Variants in PREPL observed in about 807,000 individuals in gnomAD.
PREPL encodes the protein prolyl endopeptidase-like.
A neutral mutation model predicts 70.6 loss-of-function variants in PREPL; 77 were observed. That is an observed-to-expected ratio of 1.09 (90% CI 0.91 to 1.32). The LOEUF (loss-of-function observed/expected upper bound fraction) is 1.32, where lower values mean the gene tolerates loss of function less well. Ranked by LOEUF, PREPL falls within the 40% of genes most tolerant of loss-of-function variation. The probability of loss-of-function intolerance (pLI) is 0.00; values close to 1 mark genes in which losing one functional copy is unlikely to be tolerated. For missense variants in PREPL, 1,002 were observed against 778.2 expected (o/e 1.29, Z -3.42); for synonymous variants, 315 against 264.8 (o/e 1.19, Z -1.84).
rs1673178981 is a variant in PREPL at position 44,323,418 on chromosome 2, A to G, written c.1480-7T>C. 4 of 1,573,192 alleles carry G rather than the reference A, an allele frequency of 2.5e-6. No homozygotes were observed. Among genetic ancestry groups the G allele is most frequent in the Non-Finnish European group, 3.4e-6 (4 of 1,162,300 alleles). ...GAACATCCAAGAAAGGTGCCTAAAA[A>G]AAAGGCAAAGAAACTTATACTTCAA... is the stretch of plus-strand genomic sequence containing the variant. On this transcript the variant is annotated splice_region_variant and splice_polypyrimidine_tract_variant and intron_variant, in intron 10 of 13. Coordinates refer to ENST00000409411, the MANE Select transcript of PREPL (RefSeq NM_001171613.2).
chr2:44,337,985 G>C lies in PREPL; in HGVS notation c.888+366C>G, dbSNP rs138092745. Among the ~76,000 whole-genome samples, 211 of 152,342 alleles carry C rather than the reference G, an allele frequency of 1.4e-3. 1 individual carries two copies. Among genetic ancestry groups the C allele is most frequent in the African/African-American group, 4.9e-3 (203 of 41,574 alleles). ...CTGTCCCTGTTGGGGATGTGGGATG[G>C]GGGAACAGCAGTCAGTGTTTAGGCA... is the stretch of plus-strand genomic sequence containing the variant. On this transcript the variant is annotated intron_variant, in intron 7 of 13. Coordinates refer to ENST00000409411, the MANE Select transcript of PREPL (RefSeq NM_001171613.2).
rs376222191 is a variant in PREPL, at chr2:44,343,619, G to C, written c.349+126C>G. Reference sequence around the variant, plus strand: ...CTGAATAAGAGGTACATAGGAAGATGTATAGTCCATAGGGATACATGAATC... The same window carrying C: ...CTGAATAAGAGGTACATAGGAAGATCTATAGTCCATAGGGATACATGAATC... On this transcript the variant is annotated intron_variant, in intron 4 of 13. Coordinates refer to ENST00000409411, the MANE Select transcript of PREPL (RefSeq NM_001171613.2). 4.7e-5 allele frequency: 36 copies of C among 763,918 alleles called. No individual in the cohort carries two copies. In the East Asian group the frequency reaches 8.9e-4, roughly 19 times the overall value. 47.3% of individuals were successfully genotyped at this position (763,918 alleles called of 1,614,324 possible).
At chr2:44,326,613 G>C in intron 10 of PREPL, 99 bp downstream of exon 10, 1 of 1,239,048 alleles carries the variant, frequency 8.1e-7, no homozygotes, top group Non-Finnish European at 1.2e-6. Context: ...GGGATTACAG[G>C]CATGAGCCGC....
At chr2:44,354,043 G>A (rs779492322) in intron 1 of PREPL, among the ~76,000 whole-genome samples, 2 of 152,074 alleles carry the variant, frequency 1.3e-5, no homozygotes, top group Non-Finnish European at 2.9e-5. Context: ...TGTGGGCCCA[G>A]CTACTTGCAA....
At chr2:44,335,037 T>C (rs889659565) in intron 7 of PREPL, among the ~76,000 whole-genome samples, 13 of 152,218 alleles carry the variant, frequency 8.5e-5, no homozygotes, top group Non-Finnish European at 1.8e-4. Flanking sequence ...GTCTGATCTA[T>C]AAAATTCTCT....
intron 1 of PREPL, among the ~76,000 whole-genome samples, chr2:44,353,613 A>C (rs1218143302): frequency 6.6e-6 from 1 of 152,038 alleles, no homozygotes; most frequent in South Asian, 2.1e-4. Flanking sequence ...AAATAAATAA[A>C]ACTTATTACA....
At chr2:44,335,907 A>AT (rs1468648249) in intron 7 of PREPL, among the ~76,000 whole-genome samples, 1 of 152,096 alleles carries the variant, frequency 6.6e-6, no homozygotes, top group Non-Finnish European at 1.5e-5. Context: ...ATGAACAGAT[A>AT]TTTTTAAAAG....
rs183171618 is a variant in PREPL at position 44,360,916 on chromosome 2, T to C, written c.-49+464A>G. 2.3e-3 allele frequency among the ~76,000 whole-genome samples: 350 copies of C among 152,212 alleles called. 3 individuals are homozygous for C. The highest frequency in any genetic ancestry group is 8.0e-3 in the African/African-American group (333 of 41,534). ...GTAGAATGCTGCGTCAAATTTACCA[T>C]AGATCAGATGCGCTACGACGCCCCC... On this transcript the variant is annotated intron_variant, in intron 1 of 13. Coordinates refer to ENST00000409411, the MANE Select transcript of PREPL (RefSeq NM_001171613.2).
chr2:44,320,345 C>T lies in PREPL; in HGVS notation c.*1011G>A, dbSNP rs1034817277. The T allele has an allele frequency of 6.2e-7, 1 of 1,614,124 alleles. No homozygotes were observed. Among genetic ancestry groups the T allele is most frequent in the Admixed American group, 1.7e-5 (1 of 60,020 alleles). On this transcript the variant is annotated 3_prime_UTR_variant, in exon 14 of 14. Coordinates refer to ENST00000409411, the MANE Select transcript of PREPL (RefSeq NM_001171613.2). ...TTGTGTACACAAGAGAGCTGGATGG[C>T]ATCGACAGAATCTTTATCGTGGTTC...
At chr2:44,356,281 C>T (rs1677034210) in intron 1 of PREPL, 1 of 152,324 alleles carries the variant, frequency 6.6e-6, no homozygotes, top group Non-Finnish European at 1.5e-5. Flanking sequence ...GTGGCTCACT[C>T]CTGTAATCCC....
At chr2:44,349,147 A>G (rs1480755905) in intron 1 of PREPL, among the ~76,000 whole-genome samples, 1 of 152,206 alleles carries the variant, frequency 6.6e-6, no homozygotes, top group Non-Finnish European at 1.5e-5. Flanking sequence ...AAGGAGAATG[A>G]TATGTGTTAA....
chr2:44,322,137 A>G lies in PREPL; in HGVS notation c.1754-237T>C, dbSNP rs532176019. 3.3e-5 allele frequency among the ~76,000 whole-genome samples: 5 copies of G among 152,312 alleles called. No individual in the cohort carries two copies. In the East Asian group the frequency reaches 9.7e-4, roughly 29 times the overall value. ...GAAAAGACTATATGGTGCCACACGG[A>G]CAAGGTTGAAACCCAGGAGATCATC... On this transcript the variant is annotated intron_variant, in intron 12 of 13. Coordinates refer to ENST00000409411, the MANE Select transcript of PREPL (RefSeq NM_001171613.2).
intron 1 of PREPL, among the ~76,000 whole-genome samples, chr2:44,351,321 T>A (rs144263558): frequency 3.1e-4 from 47 of 152,202 alleles, no homozygotes; most frequent in African/African-American, 1.0e-3. Flanking sequence ...CCCTTGGTGA[T>A]CTCATCCAGT....
chr2:44,351,189 C>T (rs929821624), intron 1 of PREPL, among the ~76,000 whole-genome samples: 1 of 151,852 alleles, frequency 6.6e-6, no homozygotes, highest in African/African-American at 2.4e-5. Context: ...CCCGCCTCAG[C>T]CTCCCGAAGT....
At chr2:44,337,180 A>G (rs756667992) in intron 7 of PREPL, among the ~76,000 whole-genome samples, 1 of 152,218 alleles carries the variant, frequency 6.6e-6, no homozygotes, top group Non-Finnish European at 1.5e-5. Flanking sequence ...CAGAGCATAC[A>G]GCTTCATTTG....
rs1194155833 is a variant in PREPL at position 44,318,020 on chromosome 2, G to T, written c.*3336C>A. 1.1e-5 allele frequency: 4 copies of T among 372,922 alleles called. No individual in the cohort carries two copies. Among genetic ancestry groups the T allele is most frequent in the Non-Finnish European group, 2.1e-5 (4 of 187,736 alleles). The allele number at this position is 372,922 out of a possible 1,614,324, so 23.1% of individuals were successfully genotyped here. On this transcript the variant is annotated 3_prime_UTR_variant, in exon 14 of 14. Coordinates refer to ENST00000409411, the MANE Select transcript of PREPL (RefSeq NM_001171613.2). ...AACACAAAAAATGAAGTTATCTTTT[G>T]ACCTAATAATTCCATTCCTAATACT... is the stretch of plus-strand genomic sequence containing the variant.
intron 8 of PREPL, 75 bp from the exon 9 acceptor site, chr2:44,329,187 T>C: frequency 3.9e-6 from 5 of 1,275,292 alleles, no homozygotes; most frequent in East Asian, 2.4e-5. Flanking sequence ...TTAAAATACA[T>C]TGAGGTGCAC....
At chr2:44,356,200 G>C (rs698773) in intron 1 of PREPL, 125,007 of 152,136 alleles carry the variant, frequency 0.82, 52,315 homozygotes, top group African/African-American at 0.9. Context: ...TTCAGGTCCA[G>C]TGTCAGTCAA....
intron 4 of PREPL, among the ~76,000 whole-genome samples, chr2:44,342,994 C>T (rs551788938): frequency 5.9e-5 from 9 of 152,302 alleles, no homozygotes; most frequent in African/African-American, 2.2e-4. Context: ...CAATTTAATG[C>T]TGATTCTTGA....
Sources: gnomAD v4.1 joint callset for allele counts (sites outside exome capture counted in the v4.1 genomes callset) on GRCh38, gnomAD v4.1.1 for gene constraint, MANE v1.5 for transcripts, NCBI Gene and HGNC (gene_info 2026-07-23, HGNC 2026-07-21) for gene names.